The following TDP1 variants were observed in gnomAD, a reference collection of about 807,000 sequenced individuals.
TDP1 encodes tyr-DNA phosphodiesterase 1.
TDP1 carries 64 observed loss-of-function variants against 81.5 expected under a neutral mutation model. That is an observed-to-expected ratio of 0.79 (90% CI 0.64 to 0.97). The LOEUF is 0.97. Among genes scored for constraint, TDP1 ranks in the 50% least tolerant of loss-of-function variants. The pLI is 0.00. For synonymous variants in TDP1, 256 were observed against 264.3 expected (o/e 0.97, Z 0.30); for missense variants, 723 against 743.8 (o/e 0.97, Z 0.33).
intron 15 of TDP1, among the ~76,000 whole-genome samples, chr14:90,023,827 A>G (rs1253466851): frequency 6.6e-6 from 1 of 152,072 alleles, no homozygotes; most frequent in African/African-American, 2.4e-5. Flanking sequence ...GTGTGCCACT[A>G]CACCCAGCTG....
intron 14 of TDP1, among the ~76,000 whole-genome samples, chr14:90,006,628 C>G (rs1897717237): frequency 6.6e-6 from 1 of 152,136 alleles, no homozygotes; most frequent in South Asian, 2.1e-4. Context: ...CCTCCACCTC[C>G]TGGGTTCAAG....
chr14:89,975,325 C>T, intron 6 of TDP1: 1 of 698,518 alleles, frequency 1.4e-6, no homozygotes, highest in Non-Finnish European at 1.8e-6. Context: ...ATGTGCCCGC[C>T]TCAGCCTCCC....
chr14:89,989,882 G>T, intron 12 of TDP1, 117 bp downstream of exon 12: 2 of 812,692 alleles, frequency 2.5e-6, no homozygotes, highest in Non-Finnish European at 2.1e-6. Context: ...ACTATATAAG[G>T]ATCATGAAAA....
At chr14:89,978,868 C>T (rs1200241177) in intron 7 of TDP1, among the ~76,000 whole-genome samples, 2 of 152,212 alleles carry the variant, frequency 1.3e-5, no homozygotes, top group Non-Finnish European at 2.9e-5. Flanking sequence ...TGTCATTTCT[C>T]CAGCTTTGCA....
chr14:90,017,715 G>A (rs975271973), intron 14 of TDP1, among the ~76,000 whole-genome samples: 34 of 152,206 alleles, frequency 2.2e-4, no homozygotes, highest in Admixed American at 2.0e-3. Flanking sequence ...TGGTTTTGCC[G>A]TTAGACTTTC....
intron 14 of TDP1, among the ~76,000 whole-genome samples, chr14:90,008,155 T>G (rs1884268585): frequency 6.6e-6 from 1 of 151,060 alleles, no homozygotes; most frequent in South Asian, 2.1e-4. Context: ...TCGGTAAAAT[T>G]ATTGGCTATT....
At chr14:89,971,716 T>C (rs1316433034) in intron 6 of TDP1, among the ~76,000 whole-genome samples, 2 of 152,210 alleles carry the variant, frequency 1.3e-5, no homozygotes, top group Non-Finnish European at 2.9e-5. Flanking sequence ...CCTGGTTGCA[T>C]GTAGCTTGTC....
chr14:89,981,838 A>G (rs1002736607), intron 8 of TDP1, among the ~76,000 whole-genome samples: 3 of 152,024 alleles, frequency 2.0e-5, no homozygotes, highest in African/African-American at 7.3e-5. Context: ...GGCACGTACC[A>G]CCACACTTGG....
chr14:90,023,392 A>G (rs755059980), intron 15 of TDP1, among the ~76,000 whole-genome samples: 3 of 152,134 alleles, frequency 2.0e-5, no homozygotes, highest in Non-Finnish European at 2.9e-5. Context: ...TGGAATTCCA[A>G]TCTGAAGGAG....
chr14:90,036,304 A>G (rs35935210), intron 16 of TDP1, among the ~76,000 whole-genome samples: 25 of 152,338 alleles, frequency 1.6e-4, no homozygotes, highest in Non-Finnish European at 3.1e-4. Context: ...TATATAGCCA[A>G]CATTCCTGGG....
chr14:90,040,725 T>G (rs901195261), intron 16 of TDP1, among the ~76,000 whole-genome samples: 1 of 152,262 alleles, frequency 6.6e-6, no homozygotes, highest in African/African-American at 2.4e-5. Context: ...CAGGTTTTCC[T>G]CTCAACCAGT....
At chr14:89,991,796 G>A in intron 12 of TDP1, 121 bp from the exon 13 acceptor site, 2 of 1,192,960 alleles carry the variant, frequency 1.7e-6, no homozygotes, top group East Asian at 2.6e-5. Flanking sequence ...TCTATAAGAT[G>A]AAGTAATAGA....
intron 12 of TDP1, 60 bp downstream of exon 12, chr14:89,989,825 A>G (rs1304652360): frequency 9.1e-6 from 12 of 1,325,044 alleles, no homozygotes; most frequent in Non-Finnish European, 1.1e-6. Flanking sequence ...ATGTCCTGGT[A>G]AAGTTTTACT....
In TDP1 at chr14:89,989,741, C is replaced by A; in HGVS notation, c.1342C>A (p.Arg448=). The A allele has an allele frequency of 6.2e-7, 1 of 1,610,760 alleles. No homozygotes were observed. The highest frequency in any genetic ancestry group is 8.5e-7 in the Non-Finnish European group (1 of 1,177,170). The stretch of plus-strand genomic sequence containing the variant: ...GATCTATCCTTCTGTGGAAAATGTG[C>A]GGACCAGTTTAGAAGGATATCCTGG... ...YLIYPSVENV[R]TSLEGYPAGG... is the part of the protein sequence containing the mutation. The change falls in exon 12 of 17, where the codon CGG becomes AGG. Residue 448 remains arginine, a synonymous_variant. Coordinates refer to ENST00000335725, the MANE Select transcript of TDP1 (RefSeq NM_018319.4).
Position 89,988,886 on chromosome 14 carries a change from C to T in TDP1, c.1132-19C>T, listed in dbSNP as rs544297646. 6.2e-6 allele frequency: 10 copies of T among 1,613,894 alleles called. No homozygotes were observed. The South Asian group carries it at 9.9e-5, about 16-fold the overall frequency. On this transcript the variant is annotated intron_variant, in intron 10 of 16. Transcript: ENST00000335725. ...AGATTATTTGAGTCACTTTAACATT[C>T]ACTTTTATTCTTTCCCAGCTTCTGA...
intron 6 of TDP1, among the ~76,000 whole-genome samples, chr14:89,972,393 C>G (rs1201360568): frequency 2.0e-5 from 3 of 152,198 alleles, no homozygotes; most frequent in Non-Finnish European, 4.4e-5. Context: ...GATCCAATCA[C>G]CTCCTACCAG....
chr14:90,026,977 T>G (rs954167281), intron 15 of TDP1, among the ~76,000 whole-genome samples: 3 of 152,204 alleles, frequency 2.0e-5, no homozygotes, highest in African/African-American at 7.2e-5. Flanking sequence ...ATATACCCAG[T>G]AATGGGTTGG....
chr14:89,958,758 T>G (rs1157389527), intron 2 of TDP1, among the ~76,000 whole-genome samples: 1 of 152,198 alleles, frequency 6.6e-6, no homozygotes, highest in East Asian at 1.9e-4. Context: ...CTTTAAACTG[T>G]CTTTGGTTTG....
intron 6 of TDP1, among the ~76,000 whole-genome samples, chr14:89,973,724 T>C (rs904876175): frequency 2.0e-5 from 3 of 152,098 alleles, no homozygotes; most frequent in Non-Finnish European, 4.4e-5. Flanking sequence ...GTGTGTGTAT[T>C]AGTCTGCTTG....
Sources: gnomAD v4.1 joint callset for allele counts (sites outside exome capture counted in the v4.1 genomes callset) on GRCh38, gnomAD v4.1.1 for gene constraint, MANE v1.5 for transcripts, NCBI Gene and HGNC (gene_info 2026-07-23, HGNC 2026-07-21) for gene names.